Variants in FLRT1 observed in about 807,000 individuals in gnomAD.
The protein encoded by FLRT1 is fibronectin leucine rich transmembrane protein 1.
A neutral mutation model predicts 30.9 loss-of-function variants in FLRT1; 14 were observed. The ratio of observed to expected loss-of-function variants is 0.45; its 90% CI spans 0.30 to 0.71. FLRT1 has a LOEUF of 0.71. Among genes scored for constraint, FLRT1 ranks in the 30% least tolerant of loss-of-function variants. The probability of loss-of-function intolerance (pLI) is 0.08; values close to 1 mark genes in which losing one functional copy is unlikely to be tolerated. For missense variants in FLRT1, 737 were observed against 949.2 expected, an observed-to-expected ratio of 0.78 and a Z score of 2.94; for synonymous variants, 368 against 430.4, an observed-to-expected ratio of 0.85 and a Z score of 1.80.
rs1008474536 is a variant in FLRT1 at position 64,117,586 on chromosome 11, C to G, written c.1319C>G (p.Ala440Gly). ...ACGGGTGATGGCGCCAAGACCCTGG[C>G]CATCCACGTGAAGGCCCTGACGGCA... Reference protein sequence around the residue: ...MATGDGAKTLAIHVKALTADS... With the variant: ...MATGDGAKTLGIHVKALTADS... Residue 440 changes from alanine to glycine, a missense_variant, in exon 3 of 3, where the codon GCC (alanine) becomes GGC (glycine). Coordinates refer to ENST00000682287, the MANE Select transcript of FLRT1 (RefSeq NM_013280.5). 8.1e-6 allele frequency: 13 copies of G among 1,611,582 alleles called. No individual in the cohort carries two copies. Among genetic ancestry groups the G allele is most frequent in the Non-Finnish European group, 1.1e-5 (13 of 1,178,664 alleles).
intron 1 of FLRT1, among the ~76,000 whole-genome samples, chr11:64,095,158 C>T (rs1039814427): frequency 1.1e-4 from 17 of 152,252 alleles, no homozygotes; most frequent in African/African-American, 4.1e-4. Context: ...CGACATTCCA[C>T]TCTCGTGTGA....
At chr11:64,077,609 C>T (rs540333565) in intron 1 of FLRT1, among the ~76,000 whole-genome samples, 6 of 152,268 alleles carry the variant, frequency 3.9e-5, no homozygotes, top group South Asian at 2.1e-4. Context: ...CACAGACTGA[C>T]GGGCACACAC....
At position 64,082,502 on chromosome 11, in the gene FLRT1, G is replaced by A. The variant is rs150842308; in HGVS notation, c.-1037-20692G>A. 2.0e-5 allele frequency among the ~76,000 whole-genome samples: 3 copies of A among 152,194 alleles called. No individual in the cohort carries two copies. The highest frequency in any genetic ancestry group is 3.9e-4 in the East Asian group (2 of 5,144). On this transcript the variant is annotated intron_variant, in intron 1 of 2. Transcript: ENST00000682287. The surrounding 1 kb of genome is among the most constrained non-coding windows in gnomAD (Gnocchi z 4.5). The stretch of plus-strand genomic sequence containing the variant: ...CTGGGGCCAAGAGCTGGTCCCAGGG[G>A]GTGAAACAAGGCTCGGTGCCTAACG...
chr11:64,057,927 T>C (rs1943821116), intron 1 of FLRT1, among the ~76,000 whole-genome samples: 1 of 152,230 alleles, frequency 6.6e-6, no homozygotes. Flanking sequence ...GCCAGTTTTC[T>C]TTCCACTGTG....
rs975778014 is a variant in FLRT1 at position 64,096,724 on chromosome 11, C to A, written c.-1037-6470C>A. On this transcript the variant is annotated intron_variant, in intron 1 of 2. Coordinates refer to ENST00000682287, the MANE Select transcript of FLRT1 (RefSeq NM_013280.5). This position sits in a 1 kb window ranked among gnomAD's most constrained non-coding sequence, Gnocchi z 4.6. Reference sequence around the variant, plus strand: ...GAGCCACCGCACCCTACCCTCTCCCCCTTTTGTGCCTAGAGTTGCTCTGTG... The same window carrying A: ...GAGCCACCGCACCCTACCCTCTCCCACTTTTGTGCCTAGAGTTGCTCTGTG... Among the ~76,000 whole-genome samples the A allele has an allele frequency of 5.9e-5, 9 of 152,184 alleles. No individual in the cohort carries two copies. Among genetic ancestry groups the A allele is most frequent in the Non-Finnish European group, 1.0e-4 (7 of 68,014 alleles).
At chr11:64,075,268 C>G (rs1944180618) in intron 1 of FLRT1, among the ~76,000 whole-genome samples, 1 of 152,258 alleles carries the variant, frequency 6.6e-6, no homozygotes, top group Non-Finnish European at 1.5e-5. Flanking sequence ...TAGGCTGGGA[C>G]CTGCCTGGCT....
intron 1 of FLRT1, among the ~76,000 whole-genome samples, chr11:64,046,968 G>A (rs973593545): frequency 6.6e-6 from 1 of 152,214 alleles, no homozygotes; most frequent in African/African-American, 2.4e-5. Context: ...TTCCTGAGAA[G>A]TCCAGCGCCC....
chr11:64,073,404 C>T (rs1332855499), intron 1 of FLRT1, among the ~76,000 whole-genome samples: 1 of 152,236 alleles, frequency 6.6e-6, no homozygotes, highest in Non-Finnish European at 1.5e-5. Context: ...TGTCTTTGAA[C>T]CCCACTTGCA....
chr11:64,074,438 G>A (rs1210599774), intron 1 of FLRT1, among the ~76,000 whole-genome samples: 9 of 152,178 alleles, frequency 5.9e-5, no homozygotes, highest in African/African-American at 1.9e-4. Flanking sequence ...AGGATCCCAC[G>A]TGACCCTAGG....
rs1943966312 is a variant in FLRT1, at chr11:64,064,778, A to G, written c.-1038+28619A>G. On this transcript the variant is annotated intron_variant, in intron 1 of 2. Transcript: ENST00000682287. This position sits in a 1 kb window ranked among gnomAD's most constrained non-coding sequence, Gnocchi z 4.5. ...GACCCACCATCCAGCAAAGGCTGAC[A>G]GAACAGAGGCTGCCAACTAAAACCT... Among the ~76,000 whole-genome samples, 2 of 151,904 alleles carry G rather than the reference A, an allele frequency of 1.3e-5. No homozygotes were observed. The highest frequency in any genetic ancestry group is 6.6e-5 in the Admixed American group (1 of 15,220).
Position 64,116,996 on chromosome 11 carries a change from C to T in FLRT1, c.729C>T (p.Thr243=), listed in dbSNP as rs748964357. ...LLANQRIADD[T]FSRLQNLTEL... is the part of the protein sequence containing the mutation. Reference sequence around the variant, plus strand: ...CCAACCAGCGCATCGCCGACGACACCTTCAGCCGCCTACAGAACCTCACAG... The same window carrying T: ...CCAACCAGCGCATCGCCGACGACACTTTCAGCCGCCTACAGAACCTCACAG... Residue 243 remains threonine, a synonymous_variant, in exon 3 of 3, where the codon ACC becomes ACT. Coordinates refer to ENST00000682287, the MANE Select transcript of FLRT1 (RefSeq NM_013280.5). The T allele has an allele frequency of 1.2e-6, 2 of 1,612,650 alleles. No individual in the cohort carries two copies. Among genetic ancestry groups the T allele is most frequent in the Admixed American group, 1.7e-5 (1 of 59,978 alleles).
At chr11:64,102,638 C>A (rs1470347168) in intron 1 of FLRT1, among the ~76,000 whole-genome samples, 3 of 152,186 alleles carry the variant, frequency 2.0e-5, no homozygotes, top group Non-Finnish European at 2.9e-5. Context: ...GTCCTTCCAC[C>A]CCCAGGGAGG....
chr11:64,109,388 C>T (rs889999647), intron 2 of FLRT1, among the ~76,000 whole-genome samples: 8 of 152,260 alleles, frequency 5.3e-5, no homozygotes, highest in African/African-American at 1.9e-4. Flanking sequence ...ACTGCTCCCC[C>T]AGACCTGGGA....
chr11:64,040,057 A>G (rs1045945779), intron 1 of FLRT1, among the ~76,000 whole-genome samples: 1 of 152,130 alleles, frequency 6.6e-6, no homozygotes, highest in African/African-American at 2.4e-5. Context: ...CATTCTTGAG[A>G]TAATCATTGA....
intron 1 of FLRT1, among the ~76,000 whole-genome samples, chr11:64,066,319 A>C (rs1215764676): frequency 6.9e-6 from 1 of 144,710 alleles, no homozygotes; most frequent in African/African-American, 2.7e-5. Context: ...AAAAAAAAAA[A>C]GATGAATTTA....
chr11:64,077,809 C>G (rs1020405109), intron 1 of FLRT1, among the ~76,000 whole-genome samples: 2 of 152,224 alleles, frequency 1.3e-5, no homozygotes, highest in Admixed American at 6.5e-5. Context: ...GGCCGCCGCT[C>G]GGACATTTGG....
chr11:64,066,196 C>T (rs1395158370), intron 1 of FLRT1, among the ~76,000 whole-genome samples: 1 of 148,030 alleles, frequency 6.8e-6, no homozygotes, highest in African/African-American at 2.5e-5. Flanking sequence ...ACTCAGGAGG[C>T]TGAGGCAGGA....
chr11:64,102,812 G>A (rs1310994062), intron 1 of FLRT1, among the ~76,000 whole-genome samples: 5 of 152,130 alleles, frequency 3.3e-5, no homozygotes, highest in Non-Finnish European at 7.4e-5. Context: ...GCTCATGCCT[G>A]TAATCCCATC....
chr11:64,043,437 C>T (rs1429057760), intron 1 of FLRT1, among the ~76,000 whole-genome samples: 1 of 152,182 alleles, frequency 6.6e-6, no homozygotes, highest in Non-Finnish European at 1.5e-5. Context: ...GAGCAGTGGA[C>T]TCTAAACGCC....
Sources: allele counts gnomAD v4.1 joint callset (sites outside exome capture counted in the v4.1 genomes callset), GRCh38; gene constraint gnomAD v4.1.1; non-coding constraint Gnocchi (gnomAD v3.1); transcripts MANE v1.5; gene names NCBI Gene and HGNC (gene_info 2026-07-23, HGNC 2026-07-21).